The following TUSC3 variants were observed in gnomAD, a reference collection of about 807,000 sequenced individuals.
The protein encoded by TUSC3 is tumor suppressor candidate 3, also known as dolichyl-diphosphooligosaccharide--protein glycosyltransferase subunit TUSC3.
In TUSC3, 45 loss-of-function variants were observed where a neutral mutation model predicts 44.8. That is an observed-to-expected ratio of 1.00 (90% CI 0.79 to 1.29). TUSC3 has a LOEUF of 1.29. Among genes scored for constraint, TUSC3 ranks in the 50% most tolerant of loss-of-function variants. The pLI, the probability that TUSC3 is intolerant of heterozygous loss-of-function variation, is 0.00. For synonymous variants in TUSC3, 212 were observed against 152.9 expected (o/e 1.39, Z -2.85); for missense variants, 519 against 437.9 (o/e 1.19, Z -1.65).
chr8:15,770,964 C>T (rs1415246898), downstream of TUSC3, among the ~76,000 whole-genome samples: 2 of 152,116 alleles, frequency 1.3e-5, no homozygotes, highest in African/African-American at 2.4e-5. Flanking sequence ...CATACCAAGA[C>T]ACATTAAAAT....
intron 2 of TUSC3, among the ~76,000 whole-genome samples, chr8:15,486,196 G>C (rs1350257649): frequency 6.6e-6 from 1 of 152,134 alleles, no homozygotes; most frequent in Non-Finnish European, 1.5e-5. Context: ...TGGTGTGTTT[G>C]TTATTTATGC....
chr8:15,497,059 G>A (rs1170508803), intron 2 of TUSC3, among the ~76,000 whole-genome samples: 1 of 152,094 alleles, frequency 6.6e-6, no homozygotes, highest in East Asian at 1.9e-4. Context: ...TAGTAAATAA[G>A]GAAATGACAA....
chr8:15,697,406 G>T (rs1423944844), intron 6 of TUSC3, among the ~76,000 whole-genome samples: 1 of 152,116 alleles, frequency 6.6e-6, no homozygotes, highest in Non-Finnish European at 1.5e-5. Flanking sequence ...ACTTTTTGAT[G>T]TAGGCATTTA....
chr8:15,813,330 G>A, the TUSC3 span, among the ~76,000 whole-genome samples: 2 of 151,626 alleles, frequency 1.3e-5, no homozygotes, highest in Non-Finnish European at 2.9e-5. Context: ...CAAGGCAGCT[G>A]AGTCCTCTGT....
the TUSC3 span, among the ~76,000 whole-genome samples, chr8:15,836,027 G>GT: frequency 6.6e-6 from 1 of 151,852 alleles, no homozygotes; most frequent in Non-Finnish European, 1.5e-5. Flanking sequence ...CTTTATTTCA[G>GT]TTTTTTTCTG....
At chr8:15,776,178 T>G in the TUSC3 span, among the ~76,000 whole-genome samples, 3 of 152,118 alleles carry the variant, frequency 2.0e-5, no homozygotes, top group Non-Finnish European at 4.4e-5. Context: ...CAGCTGATTA[T>G]GAACAAGATT....
In TUSC3 at chr8:15,669,953, G is replaced by T. The variant is rs1807869295; in HGVS notation, c.709-3794G>T. On this transcript the variant is annotated intron_variant, in intron 5 of 10. Transcript: ENST00000503731. Reference sequence around the variant, plus strand: ...AATTCGTAAATTGGGTAAGGTTAATGAATACATAGTAAATAATGATGATTC... The same window carrying T: ...AATTCGTAAATTGGGTAAGGTTAATTAATACATAGTAAATAATGATGATTC... Among the ~76,000 whole-genome samples, 3 of 151,510 alleles carry T rather than the reference G, an allele frequency of 2.0e-5. No homozygotes were observed. The South Asian group carries it at 6.2e-4, about 31-fold the overall frequency.
At chr8:15,522,772 G>A (rs1801315228) in intron 2 of TUSC3, among the ~76,000 whole-genome samples, 1 of 152,034 alleles carries the variant, frequency 6.6e-6, no homozygotes, top group Non-Finnish European at 1.5e-5. Flanking sequence ...GATATCTCCA[G>A]GCAAAAGGAA....
intron 1 of TUSC3, among the ~76,000 whole-genome samples, chr8:15,604,556 A>C (rs943084307): frequency 4.6e-5 from 7 of 151,802 alleles, no homozygotes; most frequent in Non-Finnish European, 1.0e-4. Context: ...AAGTGGCACC[A>C]AGATAGATTA....
At chr8:15,619,045 A>G (rs1056588052) in intron 1 of TUSC3, among the ~76,000 whole-genome samples, 7 of 152,164 alleles carry the variant, frequency 4.6e-5, no homozygotes, top group Non-Finnish European at 7.3e-5. Context: ...ATTACCTTAT[A>G]TGCTGTGTTT....
rs182886871 is a variant in TUSC3 at position 15,546,435 on chromosome 8, T to A, written c.138+5867T>A. Among the ~76,000 whole-genome samples, 162 of 151,972 alleles carry A rather than the reference T, an allele frequency of 1.1e-3. 4 individuals are homozygous for A. Among genetic ancestry groups the A allele is most frequent in the Non-Finnish European group, 1.8e-3 (124 of 67,914 alleles). On this transcript the variant is annotated intron_variant, in intron 1 of 10. Coordinates refer to ENST00000503731, the MANE Select transcript of TUSC3 (RefSeq NM_006765.4). ...TTCTTGGGGAGTTGTACATGGACTA[T>A]TTTACAAGAAGTATTACTGTTTTTT...
intron 1 of TUSC3, among the ~76,000 whole-genome samples, chr8:15,440,159 G>A (rs746005652): frequency 6.6e-5 from 10 of 152,304 alleles, no homozygotes; most frequent in Middle Eastern, 3.4e-3. Flanking sequence ...ACTGCTTCCC[G>A]AGGAAATGAG....
At chr8:15,478,018 C>T (rs1800605000) in intron 1 of TUSC3, among the ~76,000 whole-genome samples, 1 of 152,066 alleles carries the variant, frequency 6.6e-6, no homozygotes, top group Non-Finnish European at 1.5e-5. Flanking sequence ...AGTGCAGTGG[C>T]ACGATCTTGG....
At chr8:15,453,885 G>C (rs950461243) in intron 1 of TUSC3, among the ~76,000 whole-genome samples, 1 of 152,162 alleles carries the variant, frequency 6.6e-6, no homozygotes, top group Non-Finnish European at 1.5e-5. Context: ...TCTATAGATA[G>C]AAACACCTGA....
chr8:15,808,217 T>C, the TUSC3 span, among the ~76,000 whole-genome samples: 1 of 152,178 alleles, frequency 6.6e-6, no homozygotes, highest in Non-Finnish European at 1.5e-5. Context: ...TCACCTGGTA[T>C]AATGTGTTCC....
chr8:15,466,789 A>G (rs1313298535), intron 1 of TUSC3, among the ~76,000 whole-genome samples: 1 of 151,830 alleles, frequency 6.6e-6, no homozygotes, highest in African/African-American at 2.4e-5. Flanking sequence ...TCTTTTTCTG[A>G]TTTTCCTCCA....
the TUSC3 span, among the ~76,000 whole-genome samples, chr8:15,784,072 A>C: frequency 6.6e-6 from 1 of 152,218 alleles, no homozygotes; most frequent in Non-Finnish European, 1.5e-5. Flanking sequence ...AAGAATACAT[A>C]TAAAAGGCCA....
chr8:15,521,789 C>T (rs1801303595), intron 2 of TUSC3, among the ~76,000 whole-genome samples: 1 of 152,164 alleles, frequency 6.6e-6, no homozygotes, highest in Admixed American at 6.5e-5. Context: ...CCATTGGCTC[C>T]TCTTTCTTAT....
chr8:15,644,575 C>T (rs1350949169), intron 2 of TUSC3, among the ~76,000 whole-genome samples: 7 of 152,048 alleles, frequency 4.6e-5, no homozygotes, highest in Admixed American at 4.6e-4. Context: ...ATTTCTTTAT[C>T]TGTCATTAGT....
Sources: gnomAD v4.1 joint callset for allele counts (sites outside exome capture counted in the v4.1 genomes callset) on GRCh38, gnomAD v4.1.1 for gene constraint, MANE v1.5 for transcripts, NCBI Gene and HGNC (gene_info 2026-07-23, HGNC 2026-07-21) for gene names.